STK39: variants seen among roughly 807,000 people sequenced by gnomAD.
STK39 encodes serine/threonine kinase 39.
In STK39, 20 loss-of-function variants were observed where a neutral mutation model predicts 77.8. The ratio of observed to expected loss-of-function variants is 0.26; its 90% CI spans 0.18 to 0.37. The LOEUF (loss-of-function observed/expected upper bound fraction) is 0.37. Ranked by LOEUF, STK39 falls within the 10% of genes least tolerant of loss-of-function variation. STK39 has a pLI of 1.00. For synonymous variants in STK39, 246 were observed against 234.1 expected (o/e 1.05, Z -0.47); for missense variants, 479 against 656.5 (o/e 0.73, Z 2.95).
chr2:168,172,690 T>C (rs1688858893), intron 2 of STK39, among the ~76,000 whole-genome samples: 1 of 152,210 alleles, frequency 6.6e-6, no homozygotes, highest in Non-Finnish European at 1.5e-5. Context: ...TAAATGATTC[T>C]GAATTCAAAA....
intron 1 of STK39, 21 bp downstream of exon 1, chr2:168,247,207 C>T: frequency 1.7e-6 from 2 of 1,195,502 alleles, no homozygotes; most frequent in Non-Finnish European, 2.1e-6. Context: ...GTGCCGGCCC[C>T]GCCGCGCCCG....
intron 10 of STK39, among the ~76,000 whole-genome samples, chr2:168,088,736 T>C (rs1686436711): frequency 6.6e-6 from 1 of 152,154 alleles, no homozygotes; most frequent in Admixed American, 6.5e-5. Context: ...CTAGATATGT[T>C]CGTATATGCA....
Position 168,247,417 on chromosome 2 carries a change from A to T in STK39, c.19T>A (p.Ser7Thr). 8.2e-7 allele frequency: 1 copy of T among 1,222,868 alleles called. No homozygotes were observed. The highest frequency in any genetic ancestry group is 1.0e-6 in the Non-Finnish European group (1 of 972,800). The allele number at this position is 1,222,868 out of a possible 1,614,324, so 75.8% of individuals were successfully genotyped here. The change falls in exon 1 of 18, where the codon TCG becomes ACG. Residue 7 changes from serine (S) to threonine (T), a missense_variant. Coordinates refer to ENST00000355999, the MANE Select transcript of STK39 (RefSeq NM_013233.3). The part of the protein sequence containing the change: MAEPSG[S>T]PVHVQLPQQA... ...TGGGGAAGCTGGACGTGCACGGGCG[A>T]GCCGCTCGGCTCCGCCATGATGCTG...
chr2:168,201,602 C>G (rs570368575), intron 1 of STK39, among the ~76,000 whole-genome samples: 4 of 152,314 alleles, frequency 2.6e-5, no homozygotes, highest in South Asian at 4.1e-4. Flanking sequence ...AAGAGATAAA[C>G]TAGACACAAA....
At chr2:168,030,042 C>A (rs1684795049) in intron 14 of STK39, among the ~76,000 whole-genome samples, 1 of 152,060 alleles carries the variant, frequency 6.6e-6, no homozygotes. Context: ...AGATAGAGAC[C>A]ATCCTGGCTA....
chr2:168,046,275 A>C (rs1293481178), intron 14 of STK39, among the ~76,000 whole-genome samples: 1 of 152,234 alleles, frequency 6.6e-6, no homozygotes, highest in Non-Finnish European at 1.5e-5. Flanking sequence ...CTGAGGCAGG[A>C]GAATTGCTTG....
chr2:168,192,532 A>G (rs972136461), intron 1 of STK39, among the ~76,000 whole-genome samples: 6 of 152,012 alleles, frequency 3.9e-5, no homozygotes, highest in African/African-American at 1.5e-4. Context: ...TTCCACCCCA[A>G]TCTACTTCCT....
intron 2 of STK39, among the ~76,000 whole-genome samples, chr2:168,170,041 C>T (rs6433035): frequency 0.43 from 65,672 of 152,008 alleles, 16,228 homozygotes; most frequent in East Asian, 0.77. Flanking sequence ...ATGAAACTCG[C>T]CTTAGGGAGA....
intron 10 of STK39, among the ~76,000 whole-genome samples, chr2:168,086,040 C>T (rs1206762184): frequency 1.3e-5 from 2 of 152,114 alleles, no homozygotes; most frequent in African/African-American, 4.8e-5. Context: ...AGCCTGAATC[C>T]CTGACCCACA....
In STK39 at chr2:168,206,294, TTTTC is replaced by T. The variant is rs1401050973; in HGVS notation, c.209-24208_209-24205del. 2.1e-3 allele frequency among the ~76,000 whole-genome samples: 321 copies of T among 151,676 alleles called. 3 individuals carry two copies. Among genetic ancestry groups the T allele is most frequent in the African/African-American group, 7.1e-3 (295 of 41,304 alleles). On this transcript the variant is annotated intron_variant, in intron 1 of 17. Transcript: ENST00000355999. ...AGAAACAAGATCCAGACTCTTTTTC[TTTTC>T]TTTCTTTTTTTTTTTTTTTGAGACG...
rs77347884 is a variant in STK39, at chr2:168,220,464, A to T, written c.208+26764T>A. ...TTAAATCTTTGGCTTCATTTTCTTCATTGGCTTGATATCAATCTTAAATGA... is the reference window on the plus strand; with the variant it reads ...TTAAATCTTTGGCTTCATTTTCTTCTTTGGCTTGATATCAATCTTAAATGA... On this transcript the variant is annotated intron_variant, in intron 1 of 17. Transcript: ENST00000355999. Among the ~76,000 whole-genome samples the T allele has an allele frequency of 6.6e-5, 10 of 152,236 alleles. No homozygotes were observed. The East Asian group carries it at 1.9e-3, about 29-fold the overall frequency.
intron 14 of STK39, among the ~76,000 whole-genome samples, chr2:168,019,106 A>G (rs1294204873): frequency 6.6e-6 from 1 of 151,908 alleles, no homozygotes; most frequent in Non-Finnish European, 1.5e-5. Context: ...TCAGGGCTAA[A>G]ATGGGACCAG....
intron 1 of STK39, among the ~76,000 whole-genome samples, chr2:168,224,150 G>C (rs1209210859): frequency 6.6e-6 from 1 of 151,688 alleles, no homozygotes; most frequent in Non-Finnish European, 1.5e-5. Flanking sequence ...AGAAAGAAAA[G>C]AGTAATGAAA....
intron 5 of STK39, among the ~76,000 whole-genome samples, chr2:168,150,238 T>C (rs1011767441): frequency 6.6e-6 from 1 of 152,230 alleles, no homozygotes; most frequent in African/African-American, 2.4e-5. Flanking sequence ...AAGAGAACCA[T>C]GGCAGTCGAG....
chr2:167,983,759 C>A (rs1021038216), intron 16 of STK39, among the ~76,000 whole-genome samples: 1 of 152,124 alleles, frequency 6.6e-6, no homozygotes, highest in East Asian at 1.9e-4. Flanking sequence ...TGACAGCATG[C>A]CCCAGGTCTT....
intron 2 of STK39, among the ~76,000 whole-genome samples, chr2:168,172,249 C>A (rs1274557101): frequency 6.6e-6 from 1 of 152,190 alleles, no homozygotes; most frequent in African/African-American, 2.4e-5. Flanking sequence ...TGTCCCAATT[C>A]CTGACTAAGC....
chr2:168,186,044 T>C (rs1360920682), intron 1 of STK39, among the ~76,000 whole-genome samples: 1 of 152,198 alleles, frequency 6.6e-6, no homozygotes, highest in Non-Finnish European at 1.5e-5. Context: ...AATGTGACTA[T>C]ATTTAGAGAT....
At chr2:168,187,261 G>C (rs1335297667) in intron 1 of STK39, among the ~76,000 whole-genome samples, 1 of 151,664 alleles carries the variant, frequency 6.6e-6, no homozygotes, top group Admixed American at 6.6e-5. Context: ...TGAGGTGGGA[G>C]AATCACTTGA....
At chr2:167,998,643 T>C (rs1683913917) in intron 16 of STK39, among the ~76,000 whole-genome samples, 1 of 146,822 alleles carries the variant, frequency 6.8e-6, no homozygotes, top group Non-Finnish European at 1.5e-5. Context: ...TGTTTGTTTG[T>C]TTTGCCTTTT....
Sources: allele counts gnomAD v4.1 joint callset (sites outside exome capture counted in the v4.1 genomes callset), GRCh38; gene constraint gnomAD v4.1.1; transcripts MANE v1.5; gene names NCBI Gene and HGNC (gene_info 2026-07-23, HGNC 2026-07-21).